The following CP variants were observed in gnomAD, a reference collection of about 807,000 sequenced individuals.
The protein encoded by CP is ceruloplasmin.
In CP, 64 loss-of-function variants were observed where a neutral mutation model predicts 122.4. The ratio of observed to expected loss-of-function variants is 0.52; its 90% CI spans 0.43 to 0.64. The LOEUF (loss-of-function observed/expected upper bound fraction) is 0.64. Among genes scored for constraint, CP ranks in the 30% least tolerant of loss-of-function variants. CP has a pLI of 0.00. For missense variants in CP, 1,167 were observed against 1,284.4 expected (o/e 0.91, Z 1.40); for synonymous variants, 440 against 436.4 (o/e 1.01, Z -0.10).
Position 149,208,826 on chromosome 3 carries a change from A to T in CP, c.781+385T>A, listed in dbSNP as rs182045195. On this transcript the variant is annotated intron_variant, in intron 4 of 18. Coordinates refer to ENST00000264613, the MANE Select transcript of CP (RefSeq NM_000096.4). Reference sequence around the variant, plus strand: ...ATACCTTTCAGAACTCGTGGTTTGAACTATTTTCTTAAATATAGTTAGATG... The same window carrying T: ...ATACCTTTCAGAACTCGTGGTTTGATCTATTTTCTTAAATATAGTTAGATG... Among the ~76,000 whole-genome samples the T allele has an allele frequency of 8.5e-4, 130 of 152,314 alleles. 2 individuals carry two copies. The Middle Eastern group carries it at 0.041, about 48-fold the overall frequency.
chr3:149,193,411 T>G (rs1451547592), intron 9 of CP, among the ~76,000 whole-genome samples: 1 of 152,148 alleles, frequency 6.6e-6, no homozygotes, highest in Non-Finnish European at 1.5e-5. Context: ...TACTTTGCAG[T>G]CATTCAGAAT....
intron 9 of CP, among the ~76,000 whole-genome samples, chr3:149,193,786 C>T (rs1332906093): frequency 6.6e-6 from 1 of 152,132 alleles, no homozygotes; most frequent in Non-Finnish European, 1.5e-5. Flanking sequence ...AAGAATGCAA[C>T]CCATCAAGAT....
At chr3:149,171,864 C>T (rs1027978042), downstream of CP, among the ~76,000 whole-genome samples, 4 of 151,922 alleles carry the variant, frequency 2.6e-5, no homozygotes, top group Admixed American at 6.6e-5. Flanking sequence ...GCCACCATGC[C>T]CGGCTAATTT....
rs1277509410 is a variant in CP, at chr3:149,167,179, TAGAG to T, written c.587-1133_587-1130del. 7 of 1,613,876 alleles carry T rather than the reference TAGAG, an allele frequency of 4.3e-6. No homozygotes were observed. The highest frequency in any genetic ancestry group is 3.4e-6 in the Non-Finnish European group (4 of 1,179,898). On this transcript the variant is annotated intron_variant, in intron 4 of 5. Transcript: ENST00000479771. ...TATGAACAGTGCATAGACATACTGT[TAGAG>T]AGATGCCCGGAGGCAGTCATTCCAT... is the stretch of plus-strand genomic sequence containing the variant.
rs751013436 is a variant in CP at position 149,186,551 on chromosome 3, A to C, written c.2046T>G (p.Ser682Arg). 5.6e-6 allele frequency: 9 copies of C among 1,614,196 alleles called. No individual in the cohort carries two copies. The highest frequency in any genetic ancestry group is 7.6e-6 in the Non-Finnish European group (9 of 1,180,026). The stretch of plus-strand genomic sequence containing the variant: ...TGTCAGGCCACATGTGGAGCGTAAG[A>C]CTTGTTTGAGGGAAGAGGTTTGCTG... ...RDTANLFPQTSLTLHMWPDTE... is the reference protein window; with the variant it reads ...RDTANLFPQTRLTLHMWPDTE... The change falls in exon 11 of 19, where the codon AGT becomes AGG. Residue 682 changes from serine to arginine, a missense_variant. Ser to Arg is a moderately radical substitution (Grantham distance 110). This residue lies in a region of CP where 525 missense variants were observed against 657.2 expected (regional missense o/e 0.80). Transcript: ENST00000264613.
At chr3:149,172,134 A>C, downstream of CP, 1 of 1,612,774 alleles carries the variant, frequency 6.2e-7, no homozygotes, top group East Asian at 2.2e-5. Flanking sequence ...GAACTGAAGG[A>C]TTTCATGAAT....
intron 6 of CP, among the ~76,000 whole-genome samples, chr3:149,203,105 A>G (rs1484583809): frequency 2.0e-5 from 3 of 151,152 alleles, no homozygotes; most frequent in Non-Finnish European, 2.9e-5. Flanking sequence ...ACGGGGTTTC[A>G]CCGTGTTAGC....
At chr3:149,167,255 A>G (rs1724517800) in intron 4 of CP, 2 of 1,596,290 alleles carry the variant, frequency 1.3e-6, no homozygotes. Flanking sequence ...GCTTTTTCAG[A>G]TTATGTTTTT....
intron 7 of CP, among the ~76,000 whole-genome samples, chr3:149,200,629 G>C (rs1299574457): frequency 6.6e-6 from 1 of 151,638 alleles, no homozygotes; most frequent in African/African-American, 2.4e-5. Flanking sequence ...CAGCCTCCCA[G>C]TAGCTGGGAT....
chr3:149,216,863 G>A (rs531334683), intron 1 of CP, among the ~76,000 whole-genome samples: 1 of 150,636 alleles, frequency 6.6e-6, no homozygotes, highest in South Asian at 2.1e-4. Context: ...TGTCTTGTGT[G>A]AAGTGTTTGG....
chr3:149,200,999 A>T (rs1727269193), intron 7 of CP, among the ~76,000 whole-genome samples: 1 of 152,054 alleles, frequency 6.6e-6, no homozygotes, highest in Non-Finnish European at 1.5e-5. Context: ...TTGCTCACCC[A>T]CTGTTATTCT....
intron 4 of CP, 48 bp downstream of exon 4, chr3:149,209,163 G>A (rs1372974627): frequency 1.9e-6 from 3 of 1,608,816 alleles, no homozygotes; most frequent in Non-Finnish European, 8.5e-7. Context: ...CAGAATTAAT[G>A]GATCAAGGGA....
At chr3:149,176,454 G>A (rs1325775697) in intron 17 of CP, 42 bp from the exon 18 acceptor site, 1 of 1,415,132 alleles carries the variant, frequency 7.1e-7, no homozygotes, top group East Asian at 2.3e-5. Flanking sequence ...TATTGTATAT[G>A]AGAGTTCACT....
At chr3:149,210,091 G>A (rs542254045) in intron 3 of CP, 76 bp downstream of exon 3, 2 of 1,433,624 alleles carry the variant, frequency 1.4e-6, no homozygotes, top group Non-Finnish European at 2.0e-6. Context: ...CAGAAGACTT[G>A]ATTTCTTTTT....
intron 14 of CP, 22 bp downstream of exon 14, chr3:149,181,983 C>CGGGGGGGG: frequency 5.5e-6 from 3 of 547,186 alleles, no homozygotes; most frequent in Non-Finnish European, 1.0e-5. Context: ...TGCACCACCC[C>CGGGGGGGG]CACCCCCGCC....
At chr3:149,189,395 A>G (rs1239278444) in intron 9 of CP, among the ~76,000 whole-genome samples, 1 of 151,948 alleles carries the variant, frequency 6.6e-6, no homozygotes, top group African/African-American at 2.4e-5. Context: ...TACTAAAAAT[A>G]CAAAAAAAAT....
intron 8 of CP, 113 bp from the exon 9 acceptor site, chr3:149,198,691 A>G: frequency 1.1e-6 from 1 of 886,248 alleles, no homozygotes; most frequent in Non-Finnish European, 1.8e-6. Context: ...TCTTTGTTAT[A>G]AATTAGAATG....
intron 10 of CP, among the ~76,000 whole-genome samples, chr3:149,187,642 G>T (rs1726261665): frequency 6.6e-6 from 1 of 152,192 alleles, no homozygotes; most frequent in African/African-American, 2.4e-5. Flanking sequence ...GAGCCAAAAT[G>T]AGAAAAGCAT....
At chr3:149,212,120 C>T (rs1254310771) in intron 2 of CP, among the ~76,000 whole-genome samples, 6 of 151,478 alleles carry the variant, frequency 4.0e-5, no homozygotes, top group South Asian at 4.2e-4. Context: ...GGTGAAACCC[C>T]GTCTCTACTA....
Sources: gnomAD v4.1 joint callset for allele counts (sites outside exome capture counted in the v4.1 genomes callset) on GRCh38, gnomAD v4.1.1 for gene constraint, gnomAD v4.1.1 regional missense constraint, MANE v1.5 for transcripts, NCBI Gene and HGNC (gene_info 2026-07-23, HGNC 2026-07-21) for gene names.